Variants in CERS5 observed in about 807,000 individuals in gnomAD.
CERS5 encodes ceramide synthase 5, also known as LAG1 homolog, ceramide synthase 5.
A neutral mutation model predicts 58.9 loss-of-function variants in CERS5; 37 were observed. The ratio of observed to expected loss-of-function variants is 0.63; its 90% CI spans 0.48 to 0.83. The LOEUF (loss-of-function observed/expected upper bound fraction) is 0.83. Among genes scored for constraint, CERS5 ranks in the 40% least tolerant of loss-of-function variants. The pLI is 0.00. For synonymous variants in CERS5, 147 were observed against 177.8 expected (o/e 0.83, Z 1.38); for missense variants, 398 against 489.3 (o/e 0.81, Z 1.76).
intron 9 of CERS5, chr12:50,134,313 G>T (rs1343727995): frequency 9.4e-7 from 1 of 1,065,092 alleles, no homozygotes; most frequent in Non-Finnish European, 1.3e-6. Context: ...GTGTGAGGCT[G>T]CAGTAAGCTA....
chr12:50,135,136 GGA>G (rs145966803), intron 8 of CERS5, among the ~76,000 whole-genome samples: 3 of 59,638 alleles, frequency 5.0e-5, no homozygotes, highest in African/African-American at 1.6e-4. Flanking sequence ...GGAGAGGGAG[GGA>G]GAGAGAGAGG....
chr12:50,161,699 C>T (rs1939277508), intron 1 of CERS5, among the ~76,000 whole-genome samples: 1 of 144,170 alleles, frequency 6.9e-6, no homozygotes, highest in African/African-American at 2.6e-5. Flanking sequence ...ACTGCTTGAA[C>T]CTGGGAAGCA....
rs148493581 is a variant in CERS5, at chr12:50,146,616, T to C, written c.198-2559A>G. 8.9e-4 allele frequency among the ~76,000 whole-genome samples: 136 copies of C among 152,214 alleles called. 1 individual carries two copies. Among genetic ancestry groups the C allele is most frequent in the African/African-American group, 3.0e-3 (125 of 41,542 alleles). On this transcript the variant is annotated intron_variant, in intron 1 of 9. Coordinates refer to ENST00000317551, the MANE Select transcript of CERS5 (RefSeq NM_147190.5). Reference sequence around the variant, plus strand: ...GGCTCACGCTTGTAATCCCAGCACTTTGGGAGGCCGAGGTGGGCGGATCAC... The same window carrying C: ...GGCTCACGCTTGTAATCCCAGCACTCTGGGAGGCCGAGGTGGGCGGATCAC...
chr12:50,151,398 G>T (rs1329154089), intron 1 of CERS5, among the ~76,000 whole-genome samples: 2 of 152,078 alleles, frequency 1.3e-5, no homozygotes, highest in East Asian at 3.9e-4. Context: ...ATACATTAAT[G>T]ACTAATCTCC....
chr12:50,150,070 A>C (rs918971263), intron 1 of CERS5, among the ~76,000 whole-genome samples: 6 of 152,198 alleles, frequency 3.9e-5, no homozygotes, highest in Non-Finnish European at 8.8e-5. Context: ...GTGTGCAGCA[A>C]TATTTCCAGA....
chr12:50,130,614 G>C lies in CERS5; in HGVS notation c.1110C>G (p.Asp370Glu). 1 of 1,613,006 alleles carries C rather than the reference G, an allele frequency of 6.2e-7. No homozygotes were observed. The highest frequency in any genetic ancestry group is 8.5e-7 in the Non-Finnish European group (1 of 1,179,070). The change falls in exon 10 of 10, where the codon GAC becomes GAG. Residue 370 changes from aspartate (D) to glutamate (E), a missense_variant. Coordinates refer to ENST00000317551, the MANE Select transcript of CERS5 (RefSeq NM_147190.5). ...GATTGGCACCATTGCTGGAGCTACTGTCACAGGGACTTTTTGTGCAGGTGG... is the reference window on the plus strand; with the variant it reads ...GATTGGCACCATTGCTGGAGCTACTCTCACAGGGACTTTTTGTGCAGGTGG... ...DVTTCTKSPC[D>E]SSSSNGANRV...
At position 50,130,745 on chromosome 12, in the gene CERS5, A is replaced by G. The variant is rs769442023; in HGVS notation, c.1030-51T>C. 3 of 1,503,946 alleles carry G rather than the reference A, an allele frequency of 2.0e-6. No homozygotes were observed. The East Asian group carries it at 7.0e-5, about 35-fold the overall frequency. The allele number at this position is 1,503,946 out of a possible 1,614,324, so 93.2% of individuals were successfully genotyped here. A position where few individuals can be genotyped will look rare whatever the true frequency, so the allele number is the denominator to read the frequency against. ...AAAAGTGAGGAAAGAACTGTAAGAC[A>G]CCTAAGCTCAGAGACCCAGGTGTGG... On this transcript the variant is annotated intron_variant, in intron 9 of 9. Transcript: ENST00000317551.
chr12:50,133,513 C>T, intron 9 of CERS5: 2 of 989,122 alleles, frequency 2.0e-6, no homozygotes, highest in Non-Finnish European at 1.2e-6. Context: ...CTTGTGGTGG[C>T]TTGTGAACTA....
At chr12:50,132,190 G>A (rs1020705577) in intron 9 of CERS5, among the ~76,000 whole-genome samples, 12 of 151,720 alleles carry the variant, frequency 7.9e-5, no homozygotes, top group Admixed American at 2.6e-4. Flanking sequence ...ACCTGAGGTC[G>A]GGAGTTCGAG....
At chr12:50,148,942 A>ATGTG (rs1278925291) in intron 1 of CERS5, among the ~76,000 whole-genome samples, 4 of 130,032 alleles carry the variant, frequency 3.1e-5, no homozygotes, top group African/African-American at 1.2e-4. Context: ...ATATATATAT[A>ATGTG]TATATGTGTG....
intron 2 of CERS5, chr12:50,143,741 C>G: frequency 2.0e-6 from 1 of 487,806 alleles, no homozygotes; most frequent in Non-Finnish European, 3.7e-6. Context: ...GCCTAAAACT[C>G]AAACCTACTA....
intron 1 of CERS5, among the ~76,000 whole-genome samples, chr12:50,160,478 T>C (rs1322542051): frequency 2.7e-5 from 4 of 148,840 alleles, no homozygotes; most frequent in Admixed American, 2.7e-4. Context: ...CCCAGTGAGG[T>C]TGCCTTGAAG....
In CERS5 at chr12:50,134,565, T is replaced by C. The variant is rs745684794; in HGVS notation, c.1010A>G (p.Lys337Arg). The C allele has an allele frequency of 1.2e-5, 20 of 1,614,002 alleles. No homozygotes were observed. The highest frequency in any genetic ancestry group is 1.5e-5 in the Non-Finnish European group (18 of 1,180,038). ...CCTCACCTTTCCCCTGATCAAGGCT[T>C]TCAAAGCAATCCGTGCAATTAGGTA... The part of the protein sequence containing the change: ...WSYLIARIAL[K>R]ALIRGKVSKD... The change falls in exon 9 of 10, where the codon AAA becomes AGA. Residue 337 changes from lysine to arginine, a missense_variant. Lys to Arg is a conservative substitution (Grantham distance 26, BLOSUM62 2). Around this residue, in one of 3 missense-constraint regions of CERS5, gnomAD observed 23 missense variants for 54.6 expected, o/e 0.42. Coordinates refer to ENST00000317551, the MANE Select transcript of CERS5 (RefSeq NM_147190.5).
intron 1 of CERS5, among the ~76,000 whole-genome samples, chr12:50,148,927 A>AAATAT (rs1952489128): frequency 2.1e-5 from 1 of 48,008 alleles, no homozygotes; most frequent in African/African-American, 7.7e-5. Context: ...AAAAAAAAAA[A>AAATAT]ATATATATAT....
chr12:50,143,660 A>G (rs1024639699), intron 2 of CERS5: 4 of 335,492 alleles, frequency 1.2e-5, no homozygotes, highest in Non-Finnish European at 1.7e-5. Flanking sequence ...AGTGACAGAA[A>G]CTGGAACAAG....
At position 50,130,616 on chromosome 12, in the gene CERS5, C is replaced by A. The variant is rs1167113068; in HGVS notation, c.1108G>T (p.Asp370Tyr). Residue 370 changes from aspartate (D) to tyrosine (Y), a missense_variant, in exon 10 of 10, where the codon GAC (aspartate) becomes TAC (tyrosine). Around this residue, in one of 3 missense-constraint regions of CERS5, gnomAD observed 47 missense variants for 50.2 expected, o/e 0.94. Coordinates refer to ENST00000317551, the MANE Select transcript of CERS5 (RefSeq NM_147190.5). ...DVTTCTKSPCDSSSSNGANRV... is the reference protein window; with the variant it reads ...DVTTCTKSPCYSSSSNGANRV... ...TTGGCACCATTGCTGGAGCTACTGT[C>A]ACAGGGACTTTTTGTGCAGGTGGTC... is the stretch of plus-strand genomic sequence containing the variant. 1.2e-6 allele frequency: 2 copies of A among 1,612,898 alleles called. No homozygotes were observed. The highest frequency in any genetic ancestry group is 2.7e-5 in the African/African-American group (2 of 74,924).
Position 50,140,284 on chromosome 12 carries a change from ATTT to A in CERS5, c.493-1670_493-1668del, listed in dbSNP as rs57651378. On this transcript the variant is annotated intron_variant, in intron 4 of 9. Transcript: ENST00000317551. ...TTGAGAAGAGTTGTTTAACTTCCAAATTTTTTTTTTTTTTTTTTTTTTTTTGAG... is the reference window on the plus strand; with the variant it reads ...TTGAGAAGAGTTGTTTAACTTCCAAATTTTTTTTTTTTTTTTTTTTTTGAG... 2.5e-3 allele frequency among the ~76,000 whole-genome samples: 245 copies of A among 96,222 alleles called. 1 individual carries two copies. Among genetic ancestry groups the A allele is most frequent in the South Asian group, 0.019 (52 of 2,690 alleles). The allele number at this position is 96,222 out of a possible 152,430, so 63.1% of individuals were successfully genotyped here. A position where few individuals can be genotyped will look rare whatever the true frequency, so the allele number is the denominator to read the frequency against.
rs1403959629 is a variant in CERS5 at position 50,138,579 on chromosome 12, G to A, written c.531C>T (p.Asn177=). ...WFWDIRQCWH[N]YPFQPLSSGL... Reference sequence around the variant, plus strand: ...ACTCAGATCCTACCTGAAATGGATAGTTATGCCAGCACTGTCGGATGTCCC... The same window carrying A: ...ACTCAGATCCTACCTGAAATGGATAATTATGCCAGCACTGTCGGATGTCCC... Residue 177 remains asparagine (N), a synonymous_variant, in exon 5 of 10, where the codon AAC becomes AAT. Transcript: ENST00000317551. 2 of 1,613,666 alleles carry A rather than the reference G, an allele frequency of 1.2e-6. No individual in the cohort carries two copies. The highest frequency in any genetic ancestry group is 1.3e-5 in the African/African-American group (1 of 74,908).
intron 1 of CERS5, among the ~76,000 whole-genome samples, chr12:50,160,438 A>C (rs1210053367): frequency 6.6e-6 from 1 of 152,144 alleles, no homozygotes; most frequent in Non-Finnish European, 1.5e-5. Context: ...CCCCACTGAG[A>C]GAATGGCATT....
Sources: allele counts gnomAD v4.1 joint callset (sites outside exome capture counted in the v4.1 genomes callset), GRCh38; gene constraint gnomAD v4.1.1; regional missense constraint gnomAD v4.1.1; transcripts MANE v1.5; gene names NCBI Gene and HGNC (gene_info 2026-07-23, HGNC 2026-07-21).